The following KLHL29 variants were observed in gnomAD, a reference collection of about 807,000 sequenced individuals.
KLHL29 encodes the protein kelch like family member 29.
Under a neutral mutation model 80.4 loss-of-function variants are expected in KLHL29, and 21 were observed. The ratio of observed to expected loss-of-function variants is 0.26; its 90% CI spans 0.19 to 0.38. The LOEUF (loss-of-function observed/expected upper bound fraction) is 0.38. Among genes scored for constraint, KLHL29 ranks in the 10% least tolerant of loss-of-function variants. The pLI is 1.00. For synonymous variants in KLHL29, 511 were observed against 526.8 expected (o/e 0.97, Z 0.41); for missense variants, 867 against 1,223.9 (o/e 0.71, Z 4.35).
chr2:23,691,422 A>T, intron 6 of KLHL29: 1 of 559,450 alleles, frequency 1.8e-6, no homozygotes, highest in Non-Finnish European at 3.2e-6. Context: ...ATGCTTTTTG[A>T]TTTGCATCTT....
chr2:23,417,964 G>A (rs984773825), intron 1 of KLHL29, among the ~76,000 whole-genome samples: 1 of 152,046 alleles, frequency 6.6e-6, no homozygotes, highest in African/African-American at 2.4e-5. Flanking sequence ...TCTGTCCATC[G>A]CCCTGGAGTA....
intron 13 of KLHL29, 146 bp from the exon 14 acceptor site, chr2:23,706,335 T>G: frequency 3.5e-6 from 2 of 565,420 alleles, no homozygotes; most frequent in Non-Finnish European, 5.6e-6. Context: ...CCAGCCCAGG[T>G]TAGAGGGCAA....
intron 5 of KLHL29, among the ~76,000 whole-genome samples, chr2:23,656,421 C>T (rs1263107442): frequency 6.6e-6 from 1 of 152,220 alleles, no homozygotes; most frequent in Non-Finnish European, 1.5e-5. Flanking sequence ...CACTGCAGCT[C>T]CCAGGAGCAG....
At chr2:23,625,640 C>T (rs1447403724) in intron 3 of KLHL29, among the ~76,000 whole-genome samples, 2 of 152,186 alleles carry the variant, frequency 1.3e-5, no homozygotes, top group Non-Finnish European at 2.9e-5. Flanking sequence ...AAACAACAGG[C>T]GGATCGATCT....
intron 3 of KLHL29, among the ~76,000 whole-genome samples, chr2:23,615,051 C>T (rs1225215432): frequency 6.6e-6 from 1 of 152,240 alleles, no homozygotes; most frequent in Non-Finnish European, 1.5e-5. Context: ...TCCCTAGAAC[C>T]TGCGCTTCCT....
At chr2:23,635,502 C>T (rs1029787803) in intron 3 of KLHL29, among the ~76,000 whole-genome samples, 3 of 152,226 alleles carry the variant, frequency 2.0e-5, no homozygotes, top group African/African-American at 7.2e-5. Context: ...TGCGCTGCCT[C>T]ACGGAGAGCT....
chr2:23,525,734 C>CCCG (rs1666291362), intron 2 of KLHL29, among the ~76,000 whole-genome samples: 1 of 45,916 alleles, frequency 2.2e-5, no homozygotes, highest in Admixed American at 2.2e-4. Context: ...CTGCCCCCCC[C>CCCG]CCCCACCCGA....
intron 1 of KLHL29, among the ~76,000 whole-genome samples, chr2:23,441,973 A>T (rs1663538934): frequency 6.6e-6 from 1 of 152,200 alleles, no homozygotes; most frequent in African/African-American, 2.4e-5. Flanking sequence ...TCCTAATCGC[A>T]GAAAACTGAG....
intron 4 of KLHL29, among the ~76,000 whole-genome samples, chr2:23,639,737 G>T (rs1401881859): frequency 6.6e-6 from 1 of 152,084 alleles, no homozygotes; most frequent in African/African-American, 2.4e-5. Flanking sequence ...CAGCCATAAT[G>T]AATGCCCTCT....
chr2:23,474,086 A>T (rs557944378), intron 1 of KLHL29, among the ~76,000 whole-genome samples: 1 of 152,012 alleles, frequency 6.6e-6, no homozygotes, highest in Non-Finnish European at 1.5e-5. Flanking sequence ...TGCATATACT[A>T]CCTTCCAAAA....
chr2:23,701,787 TTTTTG>T (rs1672389663), intron 11 of KLHL29, among the ~76,000 whole-genome samples: 1 of 116,056 alleles, frequency 8.6e-6, no homozygotes, highest in East Asian at 2.4e-4. Context: ...ACATGGCTTT[TTTTTG>T]CTTTTTTTTT....
chr2:23,509,642 G>A (rs748951694), intron 2 of KLHL29, among the ~76,000 whole-genome samples: 7 of 152,030 alleles, frequency 4.6e-5, no homozygotes, highest in East Asian at 3.9e-4. Context: ...ATATGTGCAC[G>A]GTGCAATACA....
At chr2:23,654,888 G>T (rs1670197587) in intron 5 of KLHL29, among the ~76,000 whole-genome samples, 1 of 152,184 alleles carries the variant, frequency 6.6e-6, no homozygotes, top group Non-Finnish European at 1.5e-5. Flanking sequence ...TGCCTCCAGT[G>T]CCCATACCCT....
chr2:23,581,291 C>T (rs1186884624), intron 3 of KLHL29, among the ~76,000 whole-genome samples: 1 of 152,188 alleles, frequency 6.6e-6, no homozygotes, highest in Non-Finnish European at 1.5e-5. Context: ...GGTCTTCCTT[C>T]CCACCGTTTT....
chr2:23,497,005 C>T (rs1419431045), intron 2 of KLHL29, among the ~76,000 whole-genome samples: 1 of 151,478 alleles, frequency 6.6e-6, no homozygotes, highest in Non-Finnish European at 1.5e-5. Context: ...AAACATAAGT[C>T]ACAGTTATAT....
chr2:23,539,783 C>T (rs1309872007), intron 2 of KLHL29, among the ~76,000 whole-genome samples: 1 of 152,060 alleles, frequency 6.6e-6, no homozygotes, highest in African/African-American at 2.4e-5. Context: ...ATTGTATTTC[C>T]TCATTCTCTT....
intron 5 of KLHL29, among the ~76,000 whole-genome samples, chr2:23,663,643 T>C (rs1261894267): frequency 6.6e-6 from 1 of 152,272 alleles, no homozygotes; most frequent in East Asian, 1.9e-4. Flanking sequence ...TACATGGCTG[T>C]AAGCTATTGA....
intron 3 of KLHL29, among the ~76,000 whole-genome samples, chr2:23,633,531 A>G (rs1259151803): frequency 6.6e-6 from 1 of 150,776 alleles, no homozygotes; most frequent in Admixed American, 6.6e-5. Context: ...GACACATTTT[A>G]TAATATCTCC....
intron 2 of KLHL29, among the ~76,000 whole-genome samples, chr2:23,543,214 G>A (rs72793555): frequency 0.073 from 11,090 of 152,150 alleles, 469 homozygotes; most frequent in South Asian, 0.11. Context: ...CGAGTCACTC[G>A]CACACACATT....
Sources: allele counts gnomAD v4.1 joint callset (sites outside exome capture counted in the v4.1 genomes callset), GRCh38; gene constraint gnomAD v4.1.1; transcripts MANE v1.5; gene names NCBI Gene and HGNC (gene_info 2026-07-23, HGNC 2026-07-21).